DCX: variants seen among roughly 807,000 people sequenced by gnomAD.
DCX encodes doublecortin.
In DCX, 4 loss-of-function variants were observed where a neutral mutation model predicts 20.9. The observed-to-expected ratio is 0.19, with a 90% CI of 0.09 to 0.44. DCX has a LOEUF of 0.44. Ranked by LOEUF, DCX falls within the 20% of genes least tolerant of loss-of-function variation. DCX has a pLI of 0.99. For missense variants in DCX, 133 were observed against 296.9 expected, an observed-to-expected ratio of 0.45 and a Z score of 4.06; for synonymous variants, 103 against 111.4, an observed-to-expected ratio of 0.92 and a Z score of 0.47.
At chrX:111,343,092 C>A (rs1922433644) in intron 3 of DCX, among the ~76,000 whole-genome samples, 1 of 105,579 alleles carries the variant, frequency 9.5e-6, no homozygotes, top group African/African-American at 3.5e-5. Flanking sequence ...GAGATAAGCA[C>A]ACAAACTCCC....
Position 111,297,778 on chromosome X carries a change from G to C in DCX, c.*3909C>G, listed in dbSNP as rs2095024820. ...TCTGCTGTGGAAGGCCACAGGAGCA[G>C]TGTACACAAGACGATGGGAAGAGTG... On this transcript the variant is annotated 3_prime_UTR_variant, in exon 7 of 7. Transcript: ENST00000636035. The C allele has an allele frequency of 8.9e-6, 1 of 112,059 alleles. No homozygotes were observed. The allele number at this position is 112,059 out of a possible 1,213,427, so 9.2% of individuals were successfully genotyped here.
chrX:111,343,847 T>G (rs749866147), intron 3 of DCX, among the ~76,000 whole-genome samples: 3 of 110,979 alleles, frequency 2.7e-5, no homozygotes, highest in Non-Finnish European at 5.7e-5. Context: ...CTGGGCATGG[T>G]GGTGGGCACC....
chrX:111,320,063 C>A (rs1234207417), intron 5 of DCX, among the ~76,000 whole-genome samples: 1 of 112,429 alleles, frequency 8.9e-6, no homozygotes, highest in African/African-American at 3.2e-5. Context: ...AATTTAACTA[C>A]CATTCACTTC....
At chrX:111,309,950 G>GA (rs770986157) in intron 6 of DCX, among the ~76,000 whole-genome samples, 82 of 112,231 alleles carry the variant, frequency 7.3e-4, no homozygotes, top group African/African-American at 2.5e-3. Context: ...GGTTATGGAA[G>GA]AAAAAATCCT....
intron 3 of DCX, among the ~76,000 whole-genome samples, chrX:111,392,400 A>G (rs1467605977): frequency 3.6e-5 from 4 of 111,758 alleles, no homozygotes; most frequent in Non-Finnish European, 7.5e-5. Context: ...CCAAATGTTC[A>G]TCAACAAATG....
intron 3 of DCX, among the ~76,000 whole-genome samples, chrX:111,347,895 T>G (rs1204010099): frequency 8.9e-6 from 1 of 112,232 alleles, no homozygotes; most frequent in African/African-American, 3.2e-5. Context: ...ATATTAAATC[T>G]GGGCTGTCAG....
At position 111,309,760 on chromosome X, in the gene DCX, A is replaced by T. The variant is rs2095053328; in HGVS notation, c.1044+2879T>A. ...TACTGAGAGATAGAGAGTCTCAGGA[A>T]CTTTTCCAGATTAAAGAAGACTAAA... On this transcript the variant is annotated intron_variant, in intron 6 of 6. Coordinates refer to ENST00000636035, the MANE Select transcript of DCX (RefSeq NM_001195553.2). 2.7e-5 allele frequency among the ~76,000 whole-genome samples: 3 copies of T among 111,829 alleles called. No homozygotes were observed. The South Asian group carries it at 1.1e-3, about 42-fold the overall frequency.
At position 111,383,186 on chromosome X, in the gene DCX, TC is replaced by T. The variant is rs756015169; in HGVS notation, c.705+17803del. On this transcript the variant is annotated intron_variant, in intron 3 of 6. Coordinates refer to ENST00000636035, the MANE Select transcript of DCX (RefSeq NM_001195553.2). ...TAAAATCCCCAAACCTCATTCCTTT[TC>T]TTCCAGACATGATTATGCCCCAAAC... Among the ~76,000 whole-genome samples, 316 of 111,466 alleles carry T rather than the reference TC, an allele frequency of 2.8e-3. 2 individuals are homozygous for T. The highest frequency in any genetic ancestry group is 9.6e-3 in the African/African-American group (295 of 30,731).
intron 3 of DCX, among the ~76,000 whole-genome samples, chrX:111,354,732 G>T (rs779709898): frequency 8.9e-6 from 1 of 112,446 alleles, no homozygotes; most frequent in Non-Finnish European, 1.9e-5. Context: ...TCAACTCAAA[G>T]CTTTCCACTT....
chrX:111,311,453 G>A (rs968965366), intron 6 of DCX, among the ~76,000 whole-genome samples: 9 of 112,071 alleles, frequency 8.0e-5, no homozygotes, highest in African/African-American at 2.9e-4. Flanking sequence ...CTGGCTGTGA[G>A]AAAAAAACAA....
chrX:111,331,932 A>G (rs1187676141), intron 4 of DCX, among the ~76,000 whole-genome samples: 6 of 112,823 alleles, frequency 5.3e-5, no homozygotes, highest in Non-Finnish European at 7.5e-5. Flanking sequence ...CCTGAGTTCC[A>G]GTTTAGTGCT....
chrX:111,368,561 T>C (rs758872537), intron 3 of DCX, among the ~76,000 whole-genome samples: 1 of 111,312 alleles, frequency 9.0e-6, no homozygotes, highest in South Asian at 3.8e-4. Flanking sequence ...AAGAAGCAAA[T>C]GTTGAACGAC....
chrX:111,384,844 T>A (rs1483267095), intron 3 of DCX, among the ~76,000 whole-genome samples: 5 of 112,637 alleles, frequency 4.4e-5, no homozygotes. Flanking sequence ...ATCATGGAAC[T>A]TTATGTACAG....
chrX:111,339,454 T>A (rs1480350288), intron 3 of DCX, among the ~76,000 whole-genome samples: 1 of 111,477 alleles, frequency 9.0e-6, no homozygotes, highest in Non-Finnish European at 1.9e-5. Context: ...TGATGCCCTA[T>A]ACCACCTCAG....
chrX:111,407,036 G>A (rs1928262479), intron 2 of DCX, among the ~76,000 whole-genome samples: 1 of 112,051 alleles, frequency 8.9e-6, no homozygotes, highest in Non-Finnish European at 1.9e-5. Context: ...CTATGATCAT[G>A]TAGCTAACCA....
At position 111,294,108 on chromosome X, in the gene DCX, C is replaced by T. The variant is rs1446774408; in HGVS notation, c.*7579G>A. ...CTGGTTTATGGGGGCCTCACCAAACCTACCAGTCCAAGTGGGGTCAGCAAA... is the reference window on the plus strand; with the variant it reads ...CTGGTTTATGGGGGCCTCACCAAACTTACCAGTCCAAGTGGGGTCAGCAAA... On this transcript the variant is annotated 3_prime_UTR_variant, in exon 7 of 7. Transcript: ENST00000636035. 1 of 111,863 alleles carries T rather than the reference C, an allele frequency of 8.9e-6. No homozygotes were observed. The highest frequency in any genetic ancestry group is 1.9e-5 in the Non-Finnish European group (1 of 53,169). The allele number at this position is 111,863 out of a possible 1,213,427, so 9.2% of individuals were successfully genotyped here.
intron 3 of DCX, among the ~76,000 whole-genome samples, chrX:111,344,502 C>T (rs1922606925): frequency 9.0e-6 from 1 of 111,240 alleles, no homozygotes. Flanking sequence ...ATCATCTCAG[C>T]CCCAAAACTC....
intron 3 of DCX, among the ~76,000 whole-genome samples, chrX:111,396,196 C>T (rs1385014745): frequency 8.9e-6 from 1 of 112,188 alleles, no homozygotes; most frequent in African/African-American, 3.2e-5. Context: ...GTACTAGTTT[C>T]CAAGGCTATG....
intron 3 of DCX, among the ~76,000 whole-genome samples, chrX:111,384,355 A>G (rs1355441657): frequency 9.0e-6 from 1 of 111,035 alleles, no homozygotes; most frequent in Admixed American, 9.6e-5. Context: ...CGTTCATTCA[A>G]TATATATATT....
Sources: gnomAD v4.1 joint callset for allele counts (sites outside exome capture counted in the v4.1 genomes callset) on GRCh38, gnomAD v4.1.1 for gene constraint, MANE v1.5 for transcripts, NCBI Gene and HGNC (gene_info 2026-07-23, HGNC 2026-07-21) for gene names.